ILDR1: variants seen among roughly 807,000 people sequenced by gnomAD.
ILDR1 encodes immunoglobulin like domain containing receptor 1.
A neutral mutation model predicts 62.4 loss-of-function variants in ILDR1; 56 were observed. The observed-to-expected ratio is 0.90, with a 90% CI of 0.72 to 1.12. The LOEUF (loss-of-function observed/expected upper bound fraction) is 1.12, where lower values mean the gene tolerates loss of function less well. ILDR1 is among the 50% of genes most tolerant of loss of function. The probability of loss-of-function intolerance (pLI) is 0.00; values close to 1 mark genes in which losing one functional copy is unlikely to be tolerated. For synonymous variants in ILDR1, 284 were observed against 277.8 expected, an observed-to-expected ratio of 1.02 and a Z score of -0.22; for missense variants, 736 against 710.6, an observed-to-expected ratio of 1.04 and a Z score of -0.41.
chr3:122,033,159 C>A, the ILDR1 span, among the ~76,000 whole-genome samples: 1 of 152,166 alleles, frequency 6.6e-6, no homozygotes, highest in South Asian at 2.1e-4. Flanking sequence ...ACATTTGGAG[C>A]TAACAGTCTT....
At chr3:122,005,472 G>C in intron 2 of ILDR1, 79 bp from the exon 3 acceptor site, 1 of 1,486,488 alleles carries the variant, frequency 6.7e-7, no homozygotes, top group South Asian at 1.1e-5. Context: ...TGCTCCGGGC[G>C]TGAGACACAG....
upstream of ILDR1, among the ~76,000 whole-genome samples, chr3:122,023,450 G>A (rs2071893697): frequency 6.6e-6 from 1 of 152,120 alleles, no homozygotes; most frequent in African/African-American, 2.4e-5. Flanking sequence ...ACAGTTTCAG[G>A]AAGCTCCCAT....
the ILDR1 span, among the ~76,000 whole-genome samples, chr3:122,047,231 GGGGGTCA>G: frequency 6.6e-6 from 1 of 151,762 alleles, no homozygotes. Context: ...TAGGCTGCTC[GGGGGTCA>G]GGGGTCAGGG....
chr3:121,993,423 G>T lies in ILDR1; in HGVS notation c.1326C>A (p.Arg442=), dbSNP rs148350512. 803 of 1,613,972 alleles carry T rather than the reference G, an allele frequency of 5.0e-4. 2 individuals are homozygous for T. The African/African-American group carries it at 9.8e-3, about 20-fold the overall frequency. The change falls in exon 7 of 8, where the codon CGC becomes CGA. Residue 442 remains arginine, a synonymous_variant. Transcript: ENST00000344209. ...WRPSHPPFRS[R]CQERPRRPSP... ...TGGGCCTGCGGGGCCTCTCCTGACA[G>T]CGGCTCCTGAAAGGAGGGTGGCTCG...
the ILDR1 span, among the ~76,000 whole-genome samples, chr3:122,040,382 AT>A: frequency 6.6e-6 from 1 of 152,056 alleles, no homozygotes; most frequent in East Asian, 1.9e-4. Context: ...TGCATAAAAA[AT>A]ATCCATAGTT....
the ILDR1 span, among the ~76,000 whole-genome samples, chr3:122,046,889 T>C: frequency 9.6e-5 from 14 of 146,164 alleles, no homozygotes; most frequent in Admixed American, 9.6e-4. Context: ...TCAGAGTAAT[T>C]TGACCGTCTG....
chr3:122,053,704 A>G, the ILDR1 span, among the ~76,000 whole-genome samples: 1 of 152,188 alleles, frequency 6.6e-6, no homozygotes, highest in African/African-American at 2.4e-5. Context: ...TTGATGTACT[A>G]TTAATGTACT....
intron 1 of ILDR1, 124 bp from the exon 2 acceptor site, chr3:122,007,285 C>T: frequency 6.4e-7 from 1 of 1,552,412 alleles, no homozygotes; most frequent in Non-Finnish European, 8.7e-7. Flanking sequence ...AGCTCACAGA[C>T]AGAGTCTGGG....
intron 3 of ILDR1, among the ~76,000 whole-genome samples, chr3:122,003,643 A>C (rs79831577): frequency 0.091 from 13,902 of 152,222 alleles, 828 homozygotes; most frequent in Non-Finnish European, 0.13. Context: ...GGGCTTCAGG[A>C]AGTCACAACA....
intron 1 of ILDR1, among the ~76,000 whole-genome samples, chr3:122,016,005 A>T (rs143998018): frequency 6.6e-6 from 1 of 152,306 alleles, no homozygotes; most frequent in East Asian, 1.9e-4. Flanking sequence ...TTCTGTTAAG[A>T]TAAACACAAA....
chr3:122,019,221 T>C (rs982526787), intron 1 of ILDR1, among the ~76,000 whole-genome samples: 1 of 152,204 alleles, frequency 6.6e-6, no homozygotes, highest in Non-Finnish European at 1.5e-5. Flanking sequence ...TTTTAATGTT[T>C]TAAGGAGCAG....
chr3:121,995,068 G>A (rs2071416566), intron 5 of ILDR1, among the ~76,000 whole-genome samples: 1 of 152,134 alleles, frequency 6.6e-6, no homozygotes, highest in Non-Finnish European at 1.5e-5. Flanking sequence ...GTAGTGCAAG[G>A]GATCCATAAA....
chr3:122,022,138 C>T lies in ILDR1; in HGVS notation c.-61G>A. On this transcript the variant is annotated 5_prime_UTR_variant, in exon 1 of 8. Transcript: ENST00000344209. ...TTCGGGGCACTGCGTCTTTCTTCCT[C>T]AGCTGCCGCCCCAGGACGCACCACC... is the stretch of plus-strand genomic sequence containing the variant. 1.4e-6 allele frequency: 2 copies of T among 1,432,806 alleles called. No homozygotes were observed. Among genetic ancestry groups the T allele is most frequent in the South Asian group, 2.4e-5 (2 of 81,818 alleles). The allele number at this position is 1,432,806 out of a possible 1,614,324, so 88.8% of individuals were successfully genotyped here. A position where few individuals can be genotyped will look rare whatever the true frequency, so the allele number is the denominator to read the frequency against.
At chr3:122,059,497 C>G in the ILDR1 span, among the ~76,000 whole-genome samples, 1 of 147,678 alleles carries the variant, frequency 6.8e-6, no homozygotes, top group African/African-American at 2.5e-5. Context: ...GATAGCACCA[C>G]GGCACTCCAG....
At chr3:122,037,286 C>CCTCAGGCA in the ILDR1 span, among the ~76,000 whole-genome samples, 1 of 152,328 alleles carries the variant, frequency 6.6e-6, no homozygotes, top group East Asian at 1.9e-4. Context: ...CCTGAAAAAG[C>CCTCAGGCA]CTCAGGCACT....
At chr3:122,055,491 T>C in the ILDR1 span, 5 of 1,613,894 alleles carry the variant, frequency 3.1e-6, no homozygotes, top group South Asian at 5.5e-5. Context: ...GCAGCCAAAA[T>C]GGATCCCCAG....
chr3:122,056,472 C>T, the ILDR1 span, among the ~76,000 whole-genome samples: 68 of 152,226 alleles, frequency 4.5e-4, 1 homozygote, highest in African/African-American at 1.5e-3. Context: ...GTAGCTGGGA[C>T]TACAGGCGCC....
intron 1 of ILDR1, among the ~76,000 whole-genome samples, chr3:122,018,925 A>C (rs1453657774): frequency 6.6e-6 from 1 of 152,186 alleles, no homozygotes; most frequent in East Asian, 1.9e-4. Flanking sequence ...CCCACCACCC[A>C]GGAAAAATTA....
At chr3:122,041,528 C>A in the ILDR1 span, among the ~76,000 whole-genome samples, 1 of 152,162 alleles carries the variant, frequency 6.6e-6, no homozygotes, top group South Asian at 2.1e-4. Flanking sequence ...TATAGCAGCA[C>A]AAAACAGACT....
Sources: gnomAD v4.1 joint callset for allele counts (sites outside exome capture counted in the v4.1 genomes callset) on GRCh38, gnomAD v4.1.1 for gene constraint, MANE v1.5 for transcripts, NCBI Gene and HGNC (gene_info 2026-07-23, HGNC 2026-07-21) for gene names.